CENPQ: variants seen among roughly 807,000 people sequenced by gnomAD.
CENPQ encodes chromosome 6 open reading frame 139.
CENPQ carries 27 observed loss-of-function variants against 36.6 expected under a neutral mutation model. That is an observed-to-expected ratio of 0.74 (90% CI 0.54 to 1.02). The LOEUF is 1.02. Ranked by LOEUF, CENPQ falls within the 50% of genes least tolerant of loss-of-function variation. CENPQ has a pLI of 0.00. For missense variants in CENPQ, 306 were observed against 301.8 expected (o/e 1.01, Z -0.10); for synonymous variants, 101 against 101.7 (o/e 0.99, Z 0.04).
intron 1 of CENPQ, 59 bp downstream of exon 1, chr6:49,463,512 AGCCAAC>A (rs1767918646): frequency 1.3e-5 from 2 of 152,352 alleles, no homozygotes; most frequent in African/African-American, 4.8e-5. Context: ...TGAGTTTTAA[AGCCAAC>A]GCGTTTGTGG....
rs189354845 is a variant in CENPQ at position 49,488,810 on chromosome 6, G to A, written c.675+126G>A. The A allele has an allele frequency of 7.5e-3, 5,500 of 734,262 alleles. 48 individuals are homozygous for A. Among genetic ancestry groups the A allele is most frequent in the Non-Finnish European group, 9.9e-3 (4,142 of 416,974 alleles). 45.5% of individuals were successfully genotyped at this position (734,262 alleles called of 1,614,324 possible). ...TCACACAAATGTTTTGGTTTCCCAC[G>A]GCATATGGAAGTTATGTTTACGCTA... On this transcript the variant is annotated intron_variant, in intron 8 of 8. Coordinates refer to ENST00000335783, the MANE Select transcript of CENPQ (RefSeq NM_018132.4).
chr6:49,464,135 A>G (rs1277604886), intron 1 of CENPQ, among the ~76,000 whole-genome samples: 1 of 152,184 alleles, frequency 6.6e-6, no homozygotes, highest in Non-Finnish European at 1.5e-5. Context: ...ATGTACAAAC[A>G]TACTTCCGAG....
chr6:49,490,367 C>T (rs1199941479), intron 8 of CENPQ, among the ~76,000 whole-genome samples: 1 of 152,204 alleles, frequency 6.6e-6, no homozygotes. Context: ...GCAACTTCCT[C>T]ACCTCTGTCA....
intron 8 of CENPQ, among the ~76,000 whole-genome samples, chr6:49,489,811 A>G (rs564448926): frequency 9.2e-5 from 14 of 152,202 alleles, no homozygotes; most frequent in Non-Finnish European, 1.5e-4. Flanking sequence ...AACATTTTCA[A>G]TGAGCAGTAA....
intron 5 of CENPQ, among the ~76,000 whole-genome samples, chr6:49,478,337 TC>T (rs939090442): frequency 5.9e-5 from 9 of 152,308 alleles, no homozygotes; most frequent in African/African-American, 1.9e-4. Context: ...TAAATCTATT[TC>T]ATTTTCTTTA....
chr6:49,479,383 T>C (rs1356588370), intron 5 of CENPQ, among the ~76,000 whole-genome samples: 1 of 151,980 alleles, frequency 6.6e-6, no homozygotes, highest in Non-Finnish European at 1.5e-5. Flanking sequence ...AAAAAAATGC[T>C]CTCAACATCA....
At chr6:49,488,835 A>T (rs184866541) in intron 8 of CENPQ, 151 bp downstream of exon 8, 28 of 624,330 alleles carry the variant, frequency 4.5e-5, no homozygotes, top group Non-Finnish European at 7.1e-5. Flanking sequence ...TGTTTACGCT[A>T]TACTGTAGTC....
At chr6:49,488,775 A>G in intron 8 of CENPQ, 91 bp downstream of exon 8, 1 of 957,130 alleles carries the variant, frequency 1.0e-6, no homozygotes, top group Non-Finnish European at 1.7e-6. Context: ...AAATACTGCA[A>G]TAACGCAAGT....
At position 49,481,085 on chromosome 6, in the gene CENPQ, G is replaced by T; in HGVS notation, c.477+5G>T. The stretch of plus-strand genomic sequence containing the variant: ...GAAGGTCTGGCATTACTACAGGTAT[G>T]AAATTTGAATAGGGAATCCATAATT... On this transcript the variant is annotated splice_donor_5th_base_variant and intron_variant, in intron 6 of 8. Transcript: ENST00000335783. The T allele has an allele frequency of 6.3e-7, 1 of 1,590,092 alleles. No individual in the cohort carries two copies. The highest frequency in any genetic ancestry group is 8.5e-7 in the Non-Finnish European group (1 of 1,173,008).
intron 5 of CENPQ, among the ~76,000 whole-genome samples, chr6:49,475,628 C>G (rs1431470341): frequency 3.9e-5 from 6 of 152,148 alleles, no homozygotes; most frequent in Non-Finnish European, 8.8e-5. Context: ...AAGAGGAAGT[C>G]AAATTGTCCC....
chr6:49,492,126 A>G lies in CENPQ; in HGVS notation c.676-18A>G. 4 of 1,583,776 alleles carry G rather than the reference A, an allele frequency of 2.5e-6. No homozygotes were observed. The highest frequency in any genetic ancestry group is 3.4e-6 in the Non-Finnish European group (4 of 1,164,824). ...AATAAAATGTTAACAACTACATTTAATACTATCTTTCCCACAGAAAGAAAT... is the reference window on the plus strand; with the variant it reads ...AATAAAATGTTAACAACTACATTTAGTACTATCTTTCCCACAGAAAGAAAT... On this transcript the variant is annotated intron_variant, in intron 8 of 8. Transcript: ENST00000335783.
At position 49,488,488 on chromosome 6, in the gene CENPQ, GTAT is replaced by G; in HGVS notation, c.597+22_597+24del. 6.2e-7 allele frequency: 1 copy of G among 1,607,508 alleles called. No individual in the cohort carries two copies. The highest frequency in any genetic ancestry group is 1.3e-5 in the African/African-American group (1 of 74,714). On this transcript the variant is annotated intron_variant, in intron 7 of 8. Coordinates refer to ENST00000335783, the MANE Select transcript of CENPQ (RefSeq NM_018132.4). ...GTAAAACAGGTAATTATTTTAAACT[GTAT>G]TATTGGAATTTGGATATAATTTTTA...
intron 6 of CENPQ, among the ~76,000 whole-genome samples, chr6:49,482,005 C>T (rs1422902479): frequency 1.3e-5 from 2 of 152,166 alleles, no homozygotes; most frequent in Admixed American, 1.3e-4. Flanking sequence ...AAATTGAGCG[C>T]AGGGCCGGTG....
rs200227674 is a variant in CENPQ, at chr6:49,479,269, TAAAC to T, written c.348-1678_348-1675del. On this transcript the variant is annotated intron_variant, in intron 5 of 8. Coordinates refer to ENST00000335783, the MANE Select transcript of CENPQ (RefSeq NM_018132.4). Reference sequence around the variant, plus strand: ...CTGTATCAAGACTCTATTAGAAACTTAAACAAATTAGCAAGCAAAAAACCAACAA... The same window carrying T: ...CTGTATCAAGACTCTATTAGAAACTTAAATTAGCAAGCAAAAAACCAACAA... Among the ~76,000 whole-genome samples the T allele has an allele frequency of 2.8e-3, 430 of 152,098 alleles. 2 individuals are homozygous for T. The highest frequency in any genetic ancestry group is 9.9e-3 in the African/African-American group (411 of 41,504).
chr6:49,483,369 C>T (rs1185557008), intron 6 of CENPQ, among the ~76,000 whole-genome samples: 1 of 152,184 alleles, frequency 6.6e-6, no homozygotes. Context: ...CCAGTGGATC[C>T]CACACTGGGG....
rs531700213 is a variant in CENPQ, at chr6:49,481,789, A to T, written c.477+709A>T. ...CCAGTGGAGCCCACACTGGGGCTGC[A>T]GGTGGAGCTGCCTGCCAGTCCCACA... On this transcript the variant is annotated intron_variant, in intron 6 of 8. Coordinates refer to ENST00000335783, the MANE Select transcript of CENPQ (RefSeq NM_018132.4). Among the ~76,000 whole-genome samples, 129 of 152,252 alleles carry T rather than the reference A, an allele frequency of 8.5e-4. 1 individual carries two copies. Among genetic ancestry groups the T allele is most frequent in the African/African-American group, 3.0e-3 (123 of 41,572 alleles).
rs574648637 is a variant in CENPQ, at chr6:49,486,042, C to T, written c.478-2310C>T. On this transcript the variant is annotated intron_variant, in intron 6 of 8. Transcript: ENST00000335783. ...GCATCCTGTATCGTCACGGGTACGT[C>T]CTAAATCCAATGACAAGTGTTCTTA... 2.6e-5 allele frequency among the ~76,000 whole-genome samples: 4 copies of T among 152,156 alleles called. No homozygotes were observed. The South Asian group carries it at 8.3e-4, about 32-fold the overall frequency.
chr6:49,481,211 TG>T (rs1424909241), intron 6 of CENPQ, 131 bp downstream of exon 6: 6 of 787,870 alleles, frequency 7.6e-6, no homozygotes, highest in African/African-American at 7.1e-5. Context: ...TTCATTAAAT[TG>T]TTTTTTTGTT....
chr6:49,471,914 G>C, intron 3 of CENPQ, 149 bp from the exon 4 acceptor site: 1 of 757,238 alleles, frequency 1.3e-6, no homozygotes, highest in South Asian at 4.0e-5. Context: ...ACAGCTGTGT[G>C]ATAAAAAGTA....
Sources: gnomAD v4.1 joint callset for allele counts (sites outside exome capture counted in the v4.1 genomes callset) on GRCh38, gnomAD v4.1.1 for gene constraint, MANE v1.5 for transcripts, NCBI Gene and HGNC (gene_info 2026-07-23, HGNC 2026-07-21) for gene names.